ZNF782: variants seen among roughly 807,000 people sequenced by gnomAD.
ZNF782 encodes zinc finger protein 782.
Under a neutral mutation model 13.0 loss-of-function variants are expected in ZNF782, and 12 were observed. The observed-to-expected ratio is 0.92, with a 90% confidence interval of 0.59 to 1.50. ZNF782 has a LOEUF of 1.50. Among genes scored for constraint, ZNF782 ranks in the 40% most tolerant of loss-of-function variants. ZNF782 has a pLI of 0.00. For synonymous variants in ZNF782, 284 were observed against 283.0 expected (o/e 1.00, Z -0.04); for missense variants, 770 against 822.9 (o/e 0.94, Z 0.79).
chr9:96,867,738 C>A (rs1851776606), intron 1 of ZNF782, among the ~76,000 whole-genome samples: 1 of 152,186 alleles, frequency 6.6e-6, no homozygotes, highest in Admixed American at 6.5e-5. Flanking sequence ...TGCAGCTGCA[C>A]TAAGGGAACT....
chr9:96,827,844 T>C (rs377669557), intron 4 of ZNF782, among the ~76,000 whole-genome samples: 2 of 152,208 alleles, frequency 1.3e-5, no homozygotes, highest in East Asian at 1.9e-4. Context: ...CAGACAGGGA[T>C]CCTTGAAAGT....
the ZNF782 span, among the ~76,000 whole-genome samples, chr9:96,924,784 G>T: frequency 3.3e-5 from 5 of 152,244 alleles, no homozygotes; most frequent in Admixed American, 2.6e-4. Flanking sequence ...TTTGGAATGT[G>T]AGCAGCACGG....
At chr9:96,917,887 C>CGTGTGTGTGTGTGTGTGT in the ZNF782 span, among the ~76,000 whole-genome samples, 60 of 121,712 alleles carry the variant, frequency 4.9e-4, 3 homozygotes, top group African/African-American at 2.1e-3. Context: ...CCACCCTTGG[C>CGTGTGTGTGTGTGTGTGT]GTGTGTGTGT....
chr9:96,882,994 C>T, the ZNF782 span, among the ~76,000 whole-genome samples: 8 of 150,472 alleles, frequency 5.3e-5, no homozygotes, highest in African/African-American at 1.5e-4. Flanking sequence ...GAAGACACCA[C>T]ACTGGCTGTC....
At chr9:96,897,336 A>G in the ZNF782 span, among the ~76,000 whole-genome samples, 1 of 152,112 alleles carries the variant, frequency 6.6e-6, no homozygotes. Context: ...CACAAGTGCC[A>G]CCAACAGGCA....
At chr9:96,897,314 C>A in the ZNF782 span, among the ~76,000 whole-genome samples, 3 of 152,190 alleles carry the variant, frequency 2.0e-5, no homozygotes, top group Non-Finnish European at 2.9e-5. Flanking sequence ...TTCATATCAT[C>A]TCCCCTTCTC....
intron 1 of ZNF782, among the ~76,000 whole-genome samples, chr9:96,872,441 G>C (rs894447320): frequency 2.6e-5 from 4 of 151,860 alleles, no homozygotes; most frequent in African/African-American, 9.7e-5. Context: ...TGAGGCAGGA[G>C]AATTGCTTGA....
chr9:96,932,731 C>A, the ZNF782 span, among the ~76,000 whole-genome samples: 3 of 151,510 alleles, frequency 2.0e-5, no homozygotes, highest in Non-Finnish European at 4.4e-5. Context: ...CAGCTCATCA[C>A]AACCTCCGCC....
At chr9:96,900,038 A>G in the ZNF782 span, among the ~76,000 whole-genome samples, 12 of 152,006 alleles carry the variant, frequency 7.9e-5, no homozygotes, top group Non-Finnish European at 1.5e-4. Flanking sequence ...GGCTTAAGCA[A>G]TCCTCTGACC....
chr9:96,911,510 G>GGTTTTTTTTTTTT, the ZNF782 span, among the ~76,000 whole-genome samples: 2 of 109,692 alleles, frequency 1.8e-5, no homozygotes, highest in Non-Finnish European at 3.8e-5. Flanking sequence ...TTTTTTTTTT[G>GGTTTTTTTTTTTT]TTTTTGTTTT....
Position 96,818,239 on chromosome 9 carries a change from C to T in ZNF782, c.1784G>A (p.Cys595Tyr). ...TGATTTCTGCCTGAATGTTTTTCCA[C>T]ACTCCTCACATTGATAGGGTTTCTC... is the stretch of plus-strand genomic sequence containing the variant. ...TGEKPYQCEE[C>Y]GKTFRQKSNL... is the part of the protein sequence containing the mutation. Residue 595 changes from cysteine to tyrosine, a missense_variant, in exon 6 of 6, where the codon TGT (cysteine) becomes TAT (tyrosine). Cys to Tyr is a radical substitution (Grantham distance 194, BLOSUM62 -2). Coordinates refer to ENST00000481138, the MANE Select transcript of ZNF782 (RefSeq NM_001001662.3). The T allele has an allele frequency of 6.2e-7, 1 of 1,613,972 alleles. No homozygotes were observed. The highest frequency in any genetic ancestry group is 8.5e-7 in the Non-Finnish European group (1 of 1,179,994).
intron 1 of ZNF782, among the ~76,000 whole-genome samples, chr9:96,874,468 C>T (rs1392861078): frequency 6.6e-6 from 1 of 152,196 alleles, no homozygotes; most frequent in East Asian, 1.9e-4. Context: ...TGCCTGCTTA[C>T]CTCTTACCCC....
intron 4 of ZNF782, among the ~76,000 whole-genome samples, chr9:96,833,542 T>C (rs1201088210): frequency 6.6e-6 from 1 of 152,224 alleles, no homozygotes; most frequent in Non-Finnish European, 1.5e-5. Flanking sequence ...AGAGGTAAAG[T>C]GTCTACCATT....
chr9:96,915,921 C>A, the ZNF782 span, among the ~76,000 whole-genome samples: 2 of 146,570 alleles, frequency 1.4e-5, no homozygotes, highest in African/African-American at 5.0e-5. Context: ...TTATATATAT[C>A]TATAGGTATC....
chr9:96,854,733 G>T (rs1851615967), upstream of ZNF782, among the ~76,000 whole-genome samples: 1 of 152,146 alleles, frequency 6.6e-6, no homozygotes, highest in South Asian at 2.1e-4. Flanking sequence ...AAACTTAAAC[G>T]CTACTGACAA....
At chr9:96,913,532 G>A in the ZNF782 span, among the ~76,000 whole-genome samples, 2 of 151,306 alleles carry the variant, frequency 1.3e-5, no homozygotes, top group African/African-American at 4.8e-5. Context: ...TTGGCGGGGG[G>A]TTGGAGGGGA....
chr9:96,906,774 C>T, the ZNF782 span, among the ~76,000 whole-genome samples: 1 of 152,332 alleles, frequency 6.6e-6, no homozygotes, highest in Non-Finnish European at 1.5e-5. Flanking sequence ...AACCATTGAC[C>T]GCTGGTGATC....
chr9:96,901,270 C>CTT, the ZNF782 span, among the ~76,000 whole-genome samples: 142 of 126,886 alleles, frequency 1.1e-3, 1 homozygote, highest in African/African-American at 1.5e-3. Flanking sequence ...TGAAAAAAAA[C>CTT]TTTTTTTTTT....
intron 3 of ZNF782, among the ~76,000 whole-genome samples, 177 bp downstream of exon 3, chr9:96,851,763 AAACTGGT>A: frequency 6.6e-6 from 1 of 152,240 alleles, no homozygotes; most frequent in East Asian, 1.9e-4. Flanking sequence ...ACATCTTGGC[AAACTGGT>A]AACTGGAGGG....
Sources: allele counts gnomAD v4.1 joint callset (sites outside exome capture counted in the v4.1 genomes callset), GRCh38; gene constraint gnomAD v4.1.1; transcripts MANE v1.5; gene names NCBI Gene and HGNC (gene_info 2026-07-23, HGNC 2026-07-21).